Variants in KCNMA1 observed in about 807,000 individuals in gnomAD.
KCNMA1 encodes the protein Calcium-activated potassium channel subunit alpha-1.
KCNMA1 carries 29 observed loss-of-function variants against 140.0 expected under a neutral mutation model. The ratio of observed to expected loss-of-function variants is 0.21; its 90% CI spans 0.15 to 0.28. KCNMA1 has a LOEUF of 0.28. Among genes scored for constraint, KCNMA1 ranks in the 10% least tolerant of loss-of-function variants. The pLI, the probability that KCNMA1 is intolerant of heterozygous loss-of-function variation, is 1.00. For missense variants in KCNMA1, 880 were observed against 1,602.2 expected, an observed-to-expected ratio of 0.55 and a Z score of 7.70; for synonymous variants, 612 against 611.9, an observed-to-expected ratio of 1.00 and a Z score of 0.00.
chr10:77,283,868 T>C (rs1266492691), intron 2 of KCNMA1, among the ~76,000 whole-genome samples: 2 of 152,168 alleles, frequency 1.3e-5, no homozygotes, highest in African/African-American at 2.4e-5. Context: ...CATAACACAA[T>C]TCTAGAAGAG....
chr10:77,343,085 G>A (rs2091351662), intron 2 of KCNMA1, among the ~76,000 whole-genome samples: 1 of 152,108 alleles, frequency 6.6e-6, no homozygotes, highest in Admixed American at 6.5e-5. Flanking sequence ...ACAGGGCTTG[G>A]TGTGGCTGAA....
intron 2 of KCNMA1, among the ~76,000 whole-genome samples, chr10:77,377,315 G>A (rs78225072): frequency 0.026 from 3,918 of 152,156 alleles, 158 homozygotes; most frequent in African/African-American, 0.09. Flanking sequence ...TCTTTCCCAC[G>A]CCAAGGACAA....
At chr10:77,191,414 C>T (rs519476) in intron 3 of KCNMA1, among the ~76,000 whole-genome samples, 104,352 of 152,058 alleles carry the variant, frequency 0.69, 36,860 homozygotes, top group East Asian at 0.95. Context: ...CTGAACCTGA[C>T]GGGATCCAAG....
At chr10:77,615,643 A>C (rs2089152102) in intron 1 of KCNMA1, among the ~76,000 whole-genome samples, 1 of 151,840 alleles carries the variant, frequency 6.6e-6, no homozygotes, top group South Asian at 2.1e-4. Context: ...CTCTCTCTCC[A>C]TTCCCCTCTC....
chr10:77,148,663 A>C (rs1408712911), intron 5 of KCNMA1, among the ~76,000 whole-genome samples: 10 of 152,222 alleles, frequency 6.6e-5, no homozygotes, highest in Non-Finnish European at 1.0e-4. Context: ...GCCAGATCAT[A>C]AATATTTTGG....
chr10:77,524,775 C>T (rs1174429335), intron 1 of KCNMA1, among the ~76,000 whole-genome samples: 1 of 152,186 alleles, frequency 6.6e-6, no homozygotes, highest in Non-Finnish European at 1.5e-5. Flanking sequence ...CTGCAATTGA[C>T]ATCATGCACA....
chr10:77,202,808 A>G (rs1198530709), intron 3 of KCNMA1, among the ~76,000 whole-genome samples: 1 of 152,222 alleles, frequency 6.6e-6, no homozygotes, highest in African/African-American at 2.4e-5. Flanking sequence ...GGGCAATTAT[A>G]TTGGAAGTAA....
At position 76,954,255 on chromosome 10, in the gene KCNMA1, G is replaced by A. The variant is rs1010223082; in HGVS notation, c.2361-331C>T. On this transcript the variant is annotated intron_variant, in intron 20 of 27. Transcript: ENST00000286628. ...CTTCCTCTCATTTTACCAGCTATTC[G>A]ATCTCCCCAGCGTGCACACACACAC... Among the ~76,000 whole-genome samples, 45 of 144,128 alleles carry A rather than the reference G, an allele frequency of 3.1e-4. 1 individual carries two copies. Among genetic ancestry groups the A allele is most frequent in the South Asian group, 4.6e-4 (2 of 4,386 alleles). 94.6% of individuals were successfully genotyped at this position (144,128 alleles called of 152,430 possible). A position where few individuals can be genotyped will look rare whatever the true frequency, so the allele number is the denominator to read the frequency against.
chr10:77,268,556 A>C (rs754713467), intron 2 of KCNMA1, among the ~76,000 whole-genome samples: 10 of 152,148 alleles, frequency 6.6e-5, no homozygotes, highest in Non-Finnish European at 1.3e-4. Context: ...AGGGATCTCT[A>C]GATTTCAGAT....
At chr10:77,601,459 C>T (rs1049203020) in intron 1 of KCNMA1, among the ~76,000 whole-genome samples, 7 of 152,332 alleles carry the variant, frequency 4.6e-5, no homozygotes, top group African/African-American at 9.6e-5. Context: ...CATAAGATTC[C>T]GCCAATCAAG....
intron 16 of KCNMA1, among the ~76,000 whole-genome samples, chr10:77,026,392 C>T (rs564327318): frequency 7.9e-5 from 12 of 152,270 alleles, no homozygotes; most frequent in Admixed American, 5.2e-4. Flanking sequence ...TTTCGCAACA[C>T]GGGGAATATC....
At chr10:77,095,624 G>A (rs374422386) in intron 9 of KCNMA1, among the ~76,000 whole-genome samples, 3 of 152,222 alleles carry the variant, frequency 2.0e-5, no homozygotes, top group East Asian at 1.9e-4. Flanking sequence ...CCATAAATTC[G>A]CCAGTTGCTT....
chr10:77,396,762 A>G (rs1019170693), intron 2 of KCNMA1, among the ~76,000 whole-genome samples: 2 of 152,242 alleles, frequency 1.3e-5, no homozygotes, highest in African/African-American at 4.8e-5. Flanking sequence ...TCATCCCTAT[A>G]CATTCAAGCA....
chr10:77,620,168 C>G (rs2090938996), intron 1 of KCNMA1, among the ~76,000 whole-genome samples: 1 of 152,166 alleles, frequency 6.6e-6, no homozygotes, highest in Non-Finnish European at 1.5e-5. Context: ...GAACTGTTTT[C>G]TCTGGCTCGA....
At chr10:77,517,820 A>G (rs2154549710) in intron 1 of KCNMA1, among the ~76,000 whole-genome samples, 1 of 152,112 alleles carries the variant, frequency 6.6e-6, no homozygotes, top group South Asian at 2.1e-4. Flanking sequence ...AACACAGGTA[A>G]AGTACTGCCT....
chr10:77,571,125 T>G (rs1163603629), intron 1 of KCNMA1, among the ~76,000 whole-genome samples: 1 of 152,216 alleles, frequency 6.6e-6, no homozygotes, highest in Non-Finnish European at 1.5e-5. Flanking sequence ...TATTGTTTCT[T>G]CCTCATTTGT....
At chr10:77,110,612 C>T (rs1002414709) in intron 7 of KCNMA1, among the ~76,000 whole-genome samples, 6 of 152,142 alleles carry the variant, frequency 3.9e-5, no homozygotes, top group African/African-American at 1.4e-4. Context: ...ATCTCTAGGC[C>T]TTTTCTCTTC....
chr10:77,324,971 CTG>C (rs144907110), intron 2 of KCNMA1, among the ~76,000 whole-genome samples: 1,217 of 90,340 alleles, frequency 0.013, 10 homozygotes, highest in Non-Finnish European at 0.02. Context: ...CTCTCTCTCT[CTG>C]TGTGTGTGTG....
intron 3 of KCNMA1, among the ~76,000 whole-genome samples, chr10:77,227,473 C>T (rs2051903745): frequency 6.6e-6 from 1 of 152,162 alleles, no homozygotes; most frequent in East Asian, 1.9e-4. Context: ...GGGTAGCTCC[C>T]ACCAGTTCCC....
Sources: gnomAD v4.1 joint callset for allele counts (sites outside exome capture counted in the v4.1 genomes callset) on GRCh38, gnomAD v4.1.1 for gene constraint, MANE v1.5 for transcripts, NCBI Gene and HGNC (gene_info 2026-07-23, HGNC 2026-07-21) for gene names.